Variants in RBFOX1 observed in about 807,000 individuals in gnomAD.
RBFOX1 encodes RNA binding fox-1 homolog 1, also known as RNA binding protein fox-1 homolog 1.
RBFOX1 carries 8 observed loss-of-function variants against 57.7 expected under a neutral mutation model. The observed-to-expected ratio is 0.14, with a 90% CI of 0.08 to 0.25. RBFOX1 has a LOEUF of 0.25. Among genes scored for constraint, RBFOX1 ranks in the 10% least tolerant of loss-of-function variants. The pLI, the probability that RBFOX1 is intolerant of heterozygous loss-of-function variation, is 1.00. For synonymous variants in RBFOX1, 326 were observed against 222.4 expected (o/e 1.47, Z -4.15); for missense variants, 611 against 548.5 (o/e 1.11, Z -1.14).
intron 1 of RBFOX1, among the ~76,000 whole-genome samples, chr16:6,087,134 G>A (rs2096097874): frequency 6.6e-6 from 1 of 152,190 alleles, no homozygotes; most frequent in African/African-American, 2.4e-5. Flanking sequence ...ATGATGAGAT[G>A]AAAAGTTAGA....
Position 6,191,768 on chromosome 16 carries a change from G to A in RBFOX1, c.-126-125227G>A, listed in dbSNP as rs575906142. Among the ~76,000 whole-genome samples the A allele has an allele frequency of 6.6e-5, 10 of 152,198 alleles. No homozygotes were observed. In the East Asian group the frequency reaches 7.7e-4, roughly 12 times the overall value. On this transcript the variant is annotated intron_variant, in intron 1 of 15. Transcript: ENST00000550418. ...GCAGAGAGAATGTTTATGACTTACCGAAAATCTTATGGAAGTTCACCACAG... is the reference window on the plus strand; with the variant it reads ...GCAGAGAGAATGTTTATGACTTACCAAAAATCTTATGGAAGTTCACCACAG...
chr16:7,612,612 AAT>A (rs1555670139), intron 10 of RBFOX1, among the ~76,000 whole-genome samples: 2 of 151,234 alleles, frequency 1.3e-5, no homozygotes, highest in Non-Finnish European at 1.5e-5. Context: ...CTAATAAAAA[AAT>A]ATATATATAT....
rs552142503 is a variant in RBFOX1, at chr16:7,097,048, C to T, written c.27+44950C>T. 3.3e-5 allele frequency among the ~76,000 whole-genome samples: 5 copies of T among 151,922 alleles called. No individual in the cohort carries two copies. The South Asian group carries it at 8.3e-4, about 25-fold the overall frequency. On this transcript the variant is annotated intron_variant, in intron 4 of 15. Coordinates refer to ENST00000550418, the MANE Select transcript of RBFOX1 (RefSeq NM_018723.4). ...CCTGGTTTGGTAAAAACAACAGATG[C>T]CTCCTATACAAATAAACACATGTGA... is the stretch of plus-strand genomic sequence containing the variant.
intron 2 of RBFOX1, among the ~76,000 whole-genome samples, chr16:5,539,519 T>A (rs1245059299): frequency 5.9e-5 from 9 of 151,920 alleles, no homozygotes; most frequent in African/African-American, 1.9e-4. Context: ...GCAGGAGAAT[T>A]GAACCTGGGA....
chr16:6,615,680 C>T (rs75115408), intron 2 of RBFOX1, among the ~76,000 whole-genome samples: 4,033 of 152,284 alleles, frequency 0.026, 69 homozygotes, highest in Non-Finnish European at 0.036. Flanking sequence ...TTCCATCAGC[C>T]TTTCCCTCTC....
At chr16:5,270,509 A>G (rs1316913873) in intron 1 of RBFOX1, 3 of 662,616 alleles carry the variant, frequency 4.5e-6, no homozygotes, top group East Asian at 5.6e-5. Context: ...AATATGTTCC[A>G]TGGTTGAAAA....
intron 4 of RBFOX1, among the ~76,000 whole-genome samples, chr16:7,475,847 G>C (rs908596459): frequency 1.3e-5 from 2 of 152,238 alleles, no homozygotes; most frequent in African/African-American, 4.8e-5. Context: ...TTATAAAGTT[G>C]TGAGGTAGCA....
chr16:5,415,162 A>G (rs184835879), intron 1 of RBFOX1, among the ~76,000 whole-genome samples: 153 of 152,304 alleles, frequency 1.0e-3, no homozygotes, highest in African/African-American at 3.6e-3. Context: ...TGGGTATTTT[A>G]TAAGCAAAAG....
intron 1 of RBFOX1, among the ~76,000 whole-genome samples, chr16:6,093,442 C>G: frequency 6.6e-6 from 1 of 151,990 alleles, no homozygotes; most frequent in Admixed American, 6.6e-5. Flanking sequence ...AGTATATAAT[C>G]ATGCTTAGAG....
intron 3 of RBFOX1, among the ~76,000 whole-genome samples, chr16:6,675,916 G>C (rs959999587): frequency 3.4e-5 from 5 of 147,676 alleles, no homozygotes; most frequent in Admixed American, 2.0e-4. Flanking sequence ...ATGGGATGTG[G>C]TATTTGTCCA....
At chr16:7,162,290 T>A (rs979811040) in intron 4 of RBFOX1, among the ~76,000 whole-genome samples, 1 of 152,204 alleles carries the variant, frequency 6.6e-6, no homozygotes, top group African/African-American at 2.4e-5. Context: ...TGTATATATA[T>A]GTATACACAC....
chr16:6,645,126 C>T (rs2098523367), intron 2 of RBFOX1, among the ~76,000 whole-genome samples: 1 of 152,168 alleles, frequency 6.6e-6, no homozygotes, highest in African/African-American at 2.4e-5. Flanking sequence ...AGCAGCATCT[C>T]TCTAATCCCC....
intron 3 of RBFOX1, among the ~76,000 whole-genome samples, chr16:5,706,720 A>G (rs773921065): frequency 1.3e-5 from 2 of 151,658 alleles, no homozygotes; most frequent in Non-Finnish European, 2.9e-5. Context: ...TGATTTTGGT[A>G]TTTTTTTTCC....
intron 2 of RBFOX1, among the ~76,000 whole-genome samples, chr16:5,596,201 T>C (rs2047176362): frequency 6.6e-6 from 1 of 152,170 alleles, no homozygotes; most frequent in South Asian, 2.1e-4. Context: ...ATCTGGTAGC[T>C]AGGTTCCCAA....
intron 4 of RBFOX1, among the ~76,000 whole-genome samples, chr16:7,149,499 T>G (rs2075709743): frequency 6.8e-6 from 1 of 147,048 alleles, no homozygotes; most frequent in South Asian, 2.2e-4. Context: ...TTTTTTTTTT[T>G]TTTCCCCGAC....
intron 3 of RBFOX1, among the ~76,000 whole-genome samples, chr16:7,040,169 C>T (rs139645032): frequency 1.1e-4 from 16 of 151,812 alleles, no homozygotes; most frequent in East Asian, 1.9e-4. Flanking sequence ...TACAGGTGCC[C>T]GCCACCATGC....
chr16:7,567,858 T>C (rs2092281150), intron 5 of RBFOX1, among the ~76,000 whole-genome samples: 2 of 137,834 alleles, frequency 1.5e-5, no homozygotes, highest in South Asian at 2.4e-4. Flanking sequence ...TATATATCCA[T>C]ATATATACCT....
intron 2 of RBFOX1, among the ~76,000 whole-genome samples, chr16:6,484,682 C>G (rs538461164): frequency 6.6e-6 from 1 of 152,214 alleles, no homozygotes; most frequent in Non-Finnish European, 1.5e-5. Context: ...TTTATTATTT[C>G]TTTTGACAAA....
At chr16:6,393,288 T>G (rs1238077460) in intron 2 of RBFOX1, among the ~76,000 whole-genome samples, 1 of 152,206 alleles carries the variant, frequency 6.6e-6, no homozygotes. Flanking sequence ...ATCACAACTA[T>G]GAGTATAGGG....
Sources: allele counts gnomAD v4.1 joint callset (sites outside exome capture counted in the v4.1 genomes callset), GRCh38; gene constraint gnomAD v4.1.1; transcripts MANE v1.5; gene names NCBI Gene and HGNC (gene_info 2026-07-23, HGNC 2026-07-21).